The following CFAP54 variants were observed in gnomAD, a reference collection of about 807,000 sequenced individuals.
The protein encoded by CFAP54 is cilia and flagella associated protein 54.
A neutral mutation model predicts 370.4 loss-of-function variants in CFAP54; 290 were observed. The observed-to-expected ratio is 0.78, with a 90% confidence interval of 0.71 to 0.86. The LOEUF (loss-of-function observed/expected upper bound fraction) is 0.86, where lower values mean the gene tolerates loss of function less well. Ranked by LOEUF, CFAP54 falls within the 40% of genes least tolerant of loss-of-function variation. The probability of loss-of-function intolerance (pLI) is 0.00; values close to 1 mark genes in which losing one functional copy is unlikely to be tolerated. For synonymous variants in CFAP54, 1,206 were observed against 1,236.5 expected (o/e 0.98, Z 0.52); for missense variants, 3,399 against 3,528.7 (o/e 0.96, Z 0.93).
intron 14 of CFAP54, among the ~76,000 whole-genome samples, chr12:96,544,739 A>T (rs1212776110): frequency 6.6e-6 from 1 of 152,174 alleles, no homozygotes; most frequent in East Asian, 1.9e-4. Context: ...TGAGTAATTT[A>T]TAAAGGAAAG....
intron 5 of CFAP54, among the ~76,000 whole-genome samples, chr12:96,515,453 A>G (rs1473616361): frequency 6.6e-6 from 1 of 152,196 alleles, no homozygotes; most frequent in Non-Finnish European, 1.5e-5. Context: ...AAGGAAATTA[A>G]TAATTTTCAC....
At chr12:96,767,439 T>G (rs1225768877) in intron 60 of CFAP54, among the ~76,000 whole-genome samples, 1 of 152,250 alleles carries the variant, frequency 6.6e-6, no homozygotes, top group Non-Finnish European at 1.5e-5. Context: ...TTGTTCCGTG[T>G]CAGTGGCTTT....
At chr12:96,596,859 G>A (rs1268955803) in intron 25 of CFAP54, among the ~76,000 whole-genome samples, 1 of 152,044 alleles carries the variant, frequency 6.6e-6, no homozygotes, top group African/African-American at 2.4e-5. Context: ...ATAGGCACAG[G>A]ATATGAATAA....
intron 22 of CFAP54, among the ~76,000 whole-genome samples, chr12:96,584,147 T>A (rs770835731): frequency 4.0e-5 from 6 of 149,722 alleles, no homozygotes; most frequent in Non-Finnish European, 8.9e-5. Context: ...TTGTCTTTTG[T>A]CTATTTTATT....
intron 26 of CFAP54, among the ~76,000 whole-genome samples, chr12:96,600,547 G>T (rs1387306481): frequency 6.6e-6 from 1 of 152,102 alleles, no homozygotes; most frequent in Non-Finnish European, 1.5e-5. Context: ...GCTTGATGGG[G>T]ATGGCACTGA....
chr12:96,782,040 A>G (rs1446454289), intron 60 of CFAP54, among the ~76,000 whole-genome samples: 2 of 152,136 alleles, frequency 1.3e-5, no homozygotes, highest in Non-Finnish European at 2.9e-5. Flanking sequence ...GTAATTCAAC[A>G]TCAGAAAATC....
chr12:96,524,323 A>C (rs6538722), intron 8 of CFAP54, among the ~76,000 whole-genome samples: 4 of 151,934 alleles, frequency 2.6e-5, no homozygotes, highest in Non-Finnish European at 4.4e-5. Flanking sequence ...TAAATAATTA[A>C]AGCTTGTGAT....
chr12:96,506,479 A>T (rs1007776797), intron 3 of CFAP54, among the ~76,000 whole-genome samples: 1 of 151,540 alleles, frequency 6.6e-6, no homozygotes, highest in Non-Finnish European at 1.5e-5. Context: ...TTTTTACACT[A>T]ATCTATTAAA....
intron 5 of CFAP54, 92 bp downstream of exon 5, chr12:96,513,136 A>G (rs943464354): frequency 2.0e-6 from 1 of 490,136 alleles, no homozygotes; most frequent in Admixed American, 4.3e-5. Flanking sequence ...ATGTTAAACA[A>G]GGAATATTTG....
At chr12:96,733,995 G>C (rs1182932552) in intron 50 of CFAP54, among the ~76,000 whole-genome samples, 1 of 152,166 alleles carries the variant, frequency 6.6e-6, no homozygotes, top group Non-Finnish European at 1.5e-5. Flanking sequence ...AGCTTTGAGG[G>C]AGGAAGAGTG....
At chr12:96,702,250 G>T (rs1362327811) in intron 46 of CFAP54, among the ~76,000 whole-genome samples, 1 of 150,396 alleles carries the variant, frequency 6.6e-6, no homozygotes, top group Non-Finnish European at 1.5e-5. Context: ...GACATGTTAA[G>T]TATGAGAGTC....
intron 33 of CFAP54, 101 bp from the exon 34 acceptor site, chr12:96,647,774 A>C (rs911823955): frequency 8.8e-6 from 9 of 1,025,750 alleles, no homozygotes; most frequent in African/African-American, 1.7e-5. Context: ...AAAATTTGGG[A>C]GTACTCACAA....
At chr12:96,617,882 C>T (rs369491868) in intron 26 of CFAP54, among the ~76,000 whole-genome samples, 4 of 149,784 alleles carry the variant, frequency 2.7e-5, no homozygotes, top group East Asian at 2.0e-4. Context: ...CCCAGCTACT[C>T]GGGAGGCTGA....
Position 96,747,345 on chromosome 12 carries a change from T to C in CFAP54, c.7684+3199T>C, listed in dbSNP as rs569305406. On this transcript the variant is annotated intron_variant, in intron 55 of 67. Transcript: ENST00000524981. ...TAGGGACTCCCCTTGGCAGAGGTGA[T>C]TATGGATGATGTTTATTGTCTTCTT... 9.8e-5 allele frequency among the ~76,000 whole-genome samples: 15 copies of C among 152,316 alleles called. No homozygotes were observed. The East Asian group carries it at 2.9e-3, about 29-fold the overall frequency.
intron 66 of CFAP54, among the ~76,000 whole-genome samples, chr12:96,835,279 G>C (rs751361286): frequency 1.3e-5 from 2 of 152,066 alleles, no homozygotes; most frequent in Non-Finnish European, 2.9e-5. Flanking sequence ...AGAGAGGGTA[G>C]CTCCTCTCTG....
At chr12:96,582,873 C>T (rs865839775) in intron 22 of CFAP54, among the ~76,000 whole-genome samples, 1 of 152,154 alleles carries the variant, frequency 6.6e-6, no homozygotes, top group African/African-American at 2.4e-5. Flanking sequence ...AGCTTTCTCA[C>T]TTATTAAACC....
intron 67 of CFAP54, among the ~76,000 whole-genome samples, chr12:96,866,134 T>G (rs1374688937): frequency 6.6e-6 from 1 of 152,070 alleles, no homozygotes; most frequent in East Asian, 1.9e-4. Flanking sequence ...TGTTAAAAAA[T>G]ATATTAAGAA....
intron 22 of CFAP54, among the ~76,000 whole-genome samples, chr12:96,583,688 A>C (rs1253209197): frequency 6.6e-6 from 1 of 152,208 alleles, no homozygotes; most frequent in Non-Finnish European, 1.5e-5. Context: ...AGGGAGGTTA[A>C]GAAATGTACC....
Position 96,528,466 on chromosome 12 carries a change from A to C in CFAP54, c.1357+1022A>C, listed in dbSNP as rs564221577. ...CATATTAGCCTCATAAAATGAGTTGAGAAGTATGCCCTCTTTCTCCATTAT... is the reference window on the plus strand; with the variant it reads ...CATATTAGCCTCATAAAATGAGTTGCGAAGTATGCCCTCTTTCTCCATTAT... On this transcript the variant is annotated intron_variant, in intron 9 of 67. Coordinates refer to ENST00000524981, the MANE Select transcript of CFAP54 (RefSeq NM_001306084.2). 2.0e-5 allele frequency among the ~76,000 whole-genome samples: 3 copies of C among 152,256 alleles called. No individual in the cohort carries two copies. In the East Asian group the frequency reaches 5.8e-4, roughly 29 times the overall value.
Sources: allele counts gnomAD v4.1 joint callset (sites outside exome capture counted in the v4.1 genomes callset), GRCh38; gene constraint gnomAD v4.1.1; transcripts MANE v1.5; gene names NCBI Gene and HGNC (gene_info 2026-07-23, HGNC 2026-07-21).